The following GNG4 variants were observed in gnomAD, a reference collection of about 807,000 sequenced individuals.
The protein encoded by GNG4 is G protein subunit gamma 4, also known as guanine nucleotide-binding protein G(I)/G(S)/G(O) subunit gamma-4.
A neutral mutation model predicts 5.8 loss-of-function variants in GNG4; 4 were observed. The observed-to-expected ratio is 0.69, with a 90% confidence interval of 0.34 to 1.57. GNG4 has a LOEUF of 1.57. GNG4 is among the 40% of genes most tolerant of loss of function. The probability of loss-of-function intolerance (pLI) is 0.06; values close to 1 mark genes in which losing one functional copy is unlikely to be tolerated. For missense variants in GNG4, 96 were observed against 95.1 expected, an observed-to-expected ratio of 1.01 and a Z score of -0.04; for synonymous variants, 29 against 32.9, an observed-to-expected ratio of 0.88 and a Z score of 0.41.
intron 1 of GNG4, among the ~76,000 whole-genome samples, chr1:235,618,013 C>A (rs983574251): frequency 6.6e-6 from 1 of 152,158 alleles, no homozygotes; most frequent in Non-Finnish European, 1.5e-5. Flanking sequence ...CACAAACTAT[C>A]CTCCCCTAGT....
chr1:235,579,988 A>G (rs1045017898), intron 3 of GNG4, among the ~76,000 whole-genome samples: 14 of 152,222 alleles, frequency 9.2e-5, no homozygotes, highest in African/African-American at 3.4e-4. Flanking sequence ...CATTATTTAC[A>G]ATAGTCCAAA....
At chr1:235,586,803 T>C (rs1256704897) in intron 2 of GNG4, among the ~76,000 whole-genome samples, 2 of 152,228 alleles carry the variant, frequency 1.3e-5, no homozygotes, top group African/African-American at 4.8e-5. Flanking sequence ...CTGGCTGCCA[T>C]GCTTCCTGTA....
chr1:235,556,285 A>C (rs865907986), intron 3 of GNG4, among the ~76,000 whole-genome samples: 7 of 151,898 alleles, frequency 4.6e-5, no homozygotes, highest in Middle Eastern at 3.4e-3. Flanking sequence ...AGGGCCGGGC[A>C]CGGTGGCTCA....
intron 2 of GNG4, among the ~76,000 whole-genome samples, chr1:235,585,952 C>T (rs1445064343): frequency 6.6e-6 from 1 of 152,126 alleles, no homozygotes; most frequent in Non-Finnish European, 1.5e-5. Flanking sequence ...TCATACAAAA[C>T]ATTTAGAATT....
At chr1:235,561,112 A>T (rs1187638974) in intron 3 of GNG4, among the ~76,000 whole-genome samples, 2 of 151,990 alleles carry the variant, frequency 1.3e-5, no homozygotes, top group Admixed American at 1.3e-4. Context: ...CGGGTTCAAG[A>T]CATTCTCCTG....
chr1:235,577,348 T>C (rs571966931), intron 3 of GNG4, among the ~76,000 whole-genome samples: 1 of 152,330 alleles, frequency 6.6e-6, no homozygotes, highest in African/African-American at 2.4e-5. Flanking sequence ...GCCTGCCCTA[T>C]CGTCGTGTGC....
chr1:235,599,095 T>C (rs886529615), intron 1 of GNG4, among the ~76,000 whole-genome samples: 1 of 152,084 alleles, frequency 6.6e-6, no homozygotes, highest in African/African-American at 2.4e-5. Flanking sequence ...AGCTGGAGCA[T>C]CCCACACTTT....
intron 1 of GNG4, among the ~76,000 whole-genome samples, chr1:235,596,247 CA>C (rs1688123065): frequency 7.6e-6 from 1 of 132,006 alleles, no homozygotes; most frequent in African/African-American, 2.6e-5. Flanking sequence ...CACACACACA[CA>C]CACACCTGGC....
At position 235,574,618 on chromosome 1, in the gene GNG4, C is replaced by T. The variant is rs565327932; in HGVS notation, c.99+9122G>A. 7.9e-5 allele frequency among the ~76,000 whole-genome samples: 12 copies of T among 152,246 alleles called. No homozygotes were observed. In the East Asian group the frequency reaches 1.7e-3, roughly 22 times the overall value. ...ATCAACGGAATAAAGAGAGTATATA[C>T]GAGAAATATCTCAAAGACTTGTAAA... On this transcript the variant is annotated intron_variant, in intron 3 of 3. Transcript: ENST00000391854.
chr1:235,609,546 A>G (rs1183074736), intron 1 of GNG4, among the ~76,000 whole-genome samples: 1 of 152,216 alleles, frequency 6.6e-6, no homozygotes, highest in Non-Finnish European at 1.5e-5. Context: ...CTTTAAAAAA[A>G]AAGTCTTAAC....
intron 1 of GNG4, chr1:235,616,316 G>A (rs1688587987): frequency 2.3e-6 from 1 of 442,046 alleles, no homozygotes; most frequent in Non-Finnish European, 4.4e-6. Context: ...CATCCCCTTT[G>A]TCATTCAGAA....
chr1:235,569,536 T>A lies in GNG4; in HGVS notation c.99+14204A>T, dbSNP rs191167187. Among the ~76,000 whole-genome samples the A allele has an allele frequency of 7.2e-3, 1,098 of 152,010 alleles. 14 individuals are homozygous for A. The highest frequency in any genetic ancestry group is 0.025 in the African/African-American group (1,038 of 41,444). On this transcript the variant is annotated intron_variant, in intron 3 of 3. Coordinates refer to ENST00000391854, the MANE Select transcript of GNG4 (RefSeq NM_001098722.2). ...CTTCTTCTGCCTATATTCTTTTTTT[T>A]TTGTTGTTTTAAGATGGAATTTTGC...
intron 1 of GNG4, among the ~76,000 whole-genome samples, chr1:235,619,355 C>T (rs1488155008): frequency 2.6e-5 from 4 of 151,696 alleles, no homozygotes; most frequent in Non-Finnish European, 5.9e-5. Flanking sequence ...CAAGATTGCG[C>T]CACTGCACTC....
intron 1 of GNG4, among the ~76,000 whole-genome samples, chr1:235,605,593 G>A (rs1445219574): frequency 6.6e-6 from 1 of 152,164 alleles, no homozygotes; most frequent in Non-Finnish European, 1.5e-5. Flanking sequence ...GGAGATGATC[G>A]ATTCAGGTAA....
intron 3 of GNG4, among the ~76,000 whole-genome samples, chr1:235,569,289 T>C (rs536422399): frequency 6.6e-6 from 1 of 152,166 alleles, no homozygotes; most frequent in East Asian, 1.9e-4. Flanking sequence ...GCGAGTGGAT[T>C]GTTTGAGCTC....
chr1:235,589,526 C>T (rs1016252039), intron 2 of GNG4, among the ~76,000 whole-genome samples: 1 of 152,168 alleles, frequency 6.6e-6, no homozygotes, highest in South Asian at 2.1e-4. Context: ...CACGAGTGTT[C>T]CTTCAGCTAC....
rs553990417 is a variant in GNG4, at chr1:235,622,966, G to A, written c.-123+26696C>T. 4.0e-5 allele frequency among the ~76,000 whole-genome samples: 6 copies of A among 151,664 alleles called. No individual in the cohort carries two copies. In the South Asian group the frequency reaches 1.3e-3, roughly 32 times the overall value. ...GAGGCAGGAGAATCGCTTGAACCCG[G>A]GAAGCAGAGGTTGCAGTGAGCTGAG... is the stretch of plus-strand genomic sequence containing the variant. On this transcript the variant is annotated intron_variant, in intron 1 of 3. Coordinates refer to ENST00000391854, the MANE Select transcript of GNG4 (RefSeq NM_001098722.2).
intron 2 of GNG4, among the ~76,000 whole-genome samples, chr1:235,586,341 G>A (rs536648417): frequency 3.3e-5 from 5 of 152,280 alleles, no homozygotes; most frequent in Admixed American, 6.5e-5. Flanking sequence ...GTGCCTGCTC[G>A]TGCAGGCCTT....
intron 3 of GNG4, among the ~76,000 whole-genome samples, chr1:235,566,460 TGTCC>T (rs1180246287): frequency 6.6e-6 from 1 of 152,230 alleles, no homozygotes; most frequent in Non-Finnish European, 1.5e-5. Context: ...TCCCAACACC[TGTCC>T]TGTCTAGTTG....
Sources: gnomAD v4.1 joint callset for allele counts (sites outside exome capture counted in the v4.1 genomes callset) on GRCh38, gnomAD v4.1.1 for gene constraint, MANE v1.5 for transcripts, NCBI Gene and HGNC (gene_info 2026-07-23, HGNC 2026-07-21) for gene names.